NEMF: variants seen among roughly 807,000 people sequenced by gnomAD.
The protein encoded by NEMF is ribosome quality control complex subunit NEMF.
Under a neutral mutation model 162.2 loss-of-function variants are expected in NEMF, and 89 were observed. The ratio of observed to expected loss-of-function variants is 0.55; its 90% confidence interval spans 0.46 to 0.65. The LOEUF (loss-of-function observed/expected upper bound fraction) is 0.65, where lower values mean the gene tolerates loss of function less well. Ranked by LOEUF, NEMF falls within the 30% of genes least tolerant of loss-of-function variation. The pLI is 0.00. For missense variants in NEMF, 1,133 were observed against 1,261.9 expected (o/e 0.90, Z 1.55); for synonymous variants, 421 against 404.5 (o/e 1.04, Z -0.49).
chr14:49,784,559 A>G lies in NEMF; in HGVS notation c.*77T>C, dbSNP rs1890067923. The G allele has an allele frequency of 1.0e-6, 1 of 953,472 alleles. No individual in the cohort carries two copies. Among genetic ancestry groups the G allele is most frequent in the African/African-American group, 1.6e-5 (1 of 61,472 alleles). 59.1% of individuals were successfully genotyped at this position (953,472 alleles called of 1,614,324 possible). A position where few individuals can be genotyped will look rare whatever the true frequency, so the allele number is the denominator to read the frequency against. On this transcript the variant is annotated 3_prime_UTR_variant, in exon 33 of 33. Transcript: ENST00000298310. Reference sequence around the variant, plus strand: ...ATTTTTATAATGCGGAAATCCTGATACATGGTGCTTTCATCTTTGAACTTC... The same window carrying G: ...ATTTTTATAATGCGGAAATCCTGATGCATGGTGCTTTCATCTTTGAACTTC...
chr14:49,845,608 CT>C (rs1424931383), intron 4 of NEMF, among the ~76,000 whole-genome samples: 4 of 152,142 alleles, frequency 2.6e-5, no homozygotes, highest in African/African-American at 4.8e-5. Context: ...ATTCTCTAAG[CT>C]TTTTTTCCAT....
intron 29 of NEMF, 193 bp from the exon 30 acceptor site, chr14:49,785,513 TTACTACTTAA>T (rs1404136049): frequency 1.9e-6 from 1 of 529,474 alleles, no homozygotes; most frequent in African/African-American, 1.9e-5. Context: ...AATATATTCT[TTACTACTTAA>T]TTTTTGCCTA....
chr14:49,828,138 GA>G (rs756565286), intron 15 of NEMF, among the ~76,000 whole-genome samples, 152 bp downstream of exon 15: 19 of 152,070 alleles, frequency 1.2e-4, no homozygotes, highest in Non-Finnish European at 2.2e-4. Context: ...GTCCTGGGGG[GA>G]AAAAATACTG....
At chr14:49,830,225 T>C (rs1451946245) in intron 11 of NEMF, among the ~76,000 whole-genome samples, 2 of 152,162 alleles carry the variant, frequency 1.3e-5, no homozygotes, top group African/African-American at 4.8e-5. Flanking sequence ...TCACTAGTAT[T>C]TTGACACCCA....
intron 18 of NEMF, among the ~76,000 whole-genome samples, chr14:49,807,693 A>T (rs1891287106): frequency 6.7e-6 from 1 of 148,394 alleles, no homozygotes; most frequent in Admixed American, 6.9e-5. Flanking sequence ...ACCACCTGGG[A>T]AGTGATTCTC....
At position 49,782,178 on chromosome 14, in the gene NEMF, T is replaced by C. The variant is rs1249056667; in HGVS notation, c.*2458A>G. 3 of 528,814 alleles carry C rather than the reference T, an allele frequency of 5.7e-6. No individual in the cohort carries two copies. Among genetic ancestry groups the C allele is most frequent in the African/African-American group, 2.0e-5 (1 of 51,172 alleles). The allele number at this position is 528,814 out of a possible 1,614,324, so 32.8% of individuals were successfully genotyped here. A position where few individuals can be genotyped will look rare whatever the true frequency, so the allele number is the denominator to read the frequency against. ...AATGAGAACGACCAGAGAGAGAAAA[T>C]AATATCCAGATAAAATAGATATTGA... On this transcript the variant is annotated 3_prime_UTR_variant, in exon 33 of 33. Coordinates refer to ENST00000298310, the MANE Select transcript of NEMF (RefSeq NM_004713.6).
At chr14:49,800,762 T>C (rs758630405) in intron 22 of NEMF, 66 bp from the exon 23 acceptor site, 1 of 1,444,304 alleles carries the variant, frequency 6.9e-7, no homozygotes, top group South Asian at 1.3e-5. Context: ...TTCCTAAAAA[T>C]GTCATAAAAA....
rs745857189 is a variant in NEMF, at chr14:49,800,450, G to A, written c.2342C>T (p.Thr781Ile). 1.2e-6 allele frequency: 2 copies of A among 1,613,410 alleles called. No individual in the cohort carries two copies. The highest frequency in any genetic ancestry group is 1.1e-5 in the South Asian group (1 of 91,038). ...GEETLNYPDT[T>I]IDLSHLQPQR... is the part of the protein sequence containing the mutation. Reference sequence around the variant, plus strand: ...GGGTTGAAGGTGAGACAAGTCAATGGTAGTATCAGGATAATTTAATGTCTC... The same window carrying A: ...GGGTTGAAGGTGAGACAAGTCAATGATAGTATCAGGATAATTTAATGTCTC... Residue 781 changes from threonine (T) to isoleucine (I), a missense_variant, in exon 23 of 33, where the codon ACC becomes ATC. This residue lies in a region of NEMF where 532 missense variants were observed against 578.6 expected (regional missense o/e 0.92). Transcript: ENST00000298310.
chr14:49,840,232 C>T (rs1436938224), intron 5 of NEMF, among the ~76,000 whole-genome samples: 3 of 152,170 alleles, frequency 2.0e-5, no homozygotes, highest in African/African-American at 7.2e-5. Flanking sequence ...GAGGCCGAGG[C>T]AGGCAGATTG....
chr14:49,791,877 C>T (rs770977009), intron 26 of NEMF, among the ~76,000 whole-genome samples: 18 of 151,964 alleles, frequency 1.2e-4, no homozygotes, highest in Non-Finnish European at 2.2e-4. Flanking sequence ...CTGATGACAA[C>T]AGAGTTTCTT....
At chr14:49,830,248 G>A (rs768240292) in intron 11 of NEMF, among the ~76,000 whole-genome samples, 1 of 152,096 alleles carries the variant, frequency 6.6e-6, no homozygotes, top group Non-Finnish European at 1.5e-5. Flanking sequence ...AAACCATGGG[G>A]TTCAGTTTAC....
chr14:49,814,088 CTAAT>C, intron 17 of NEMF, 38 bp from the exon 18 acceptor site: 1 of 1,184,170 alleles, frequency 8.4e-7, no homozygotes, highest in Non-Finnish European at 1.2e-6. Context: ...ACTTTAAGTC[CTAAT>C]TATTCTTTTT....
At chr14:49,822,861 G>C (rs1247890424) in intron 16 of NEMF, among the ~76,000 whole-genome samples, 1 of 151,880 alleles carries the variant, frequency 6.6e-6, no homozygotes, top group Admixed American at 6.6e-5. Context: ...AGTATGTGTG[G>C]TGTGGTAGGG....
At position 49,784,729 on chromosome 14, in the gene NEMF, T is replaced by G. The variant is rs1192802237; in HGVS notation, c.3154-16A>C. 6.2e-7 allele frequency: 1 copy of G among 1,601,626 alleles called. No individual in the cohort carries two copies. Among genetic ancestry groups the G allele is most frequent in the Non-Finnish European group, 8.5e-7 (1 of 1,169,642 alleles). On this transcript the variant is annotated splice_polypyrimidine_tract_variant and intron_variant, in intron 32 of 32. Coordinates refer to ENST00000298310, the MANE Select transcript of NEMF (RefSeq NM_004713.6). ...AATCTGTGTCCTAAAAAAAGAAAAT[T>G]GCTGAATATCTTCACATCCTGTATG...
chr14:49,848,160 G>A lies in NEMF; in HGVS notation c.232-1895C>T, dbSNP rs961952286. On this transcript the variant is annotated intron_variant, in intron 3 of 32. Transcript: ENST00000298310. The stretch of plus-strand genomic sequence containing the variant: ...AGGATTACAAGTGCCCTGCCACTGT[G>A]CCCAGCTTATTCCTACAAACTTTAC... 9.9e-5 allele frequency among the ~76,000 whole-genome samples: 15 copies of A among 151,994 alleles called. 2 individuals carry two copies. The highest frequency in any genetic ancestry group is 9.8e-4 in the Admixed American group (15 of 15,260).
chr14:49,805,958 T>A, intron 19 of NEMF, 63 bp downstream of exon 19: 1 of 1,060,068 alleles, frequency 9.4e-7, no homozygotes. Context: ...ACTTCTATAC[T>A]CTCAAAATTT....
chr14:49,838,358 G>C lies in NEMF; in HGVS notation c.507-152C>G, dbSNP rs1001674120. 4 of 580,838 alleles carry C rather than the reference G, an allele frequency of 6.9e-6. No homozygotes were observed. The African/African-American group carries it at 7.4e-5, about 11-fold the overall frequency. 36.0% of individuals were successfully genotyped at this position (580,838 alleles called of 1,614,324 possible). ...TTCATTCTTCTGTTGTGAGAAAATG[G>C]ATCATAAAAGATATTTACCCAAGAT... On this transcript the variant is annotated intron_variant, in intron 5 of 32. Coordinates refer to ENST00000298310, the MANE Select transcript of NEMF (RefSeq NM_004713.6).
At chr14:49,841,354 C>T (rs1407208358) in intron 4 of NEMF, among the ~76,000 whole-genome samples, 1 of 151,810 alleles carries the variant, frequency 6.6e-6, no homozygotes, top group African/African-American at 2.4e-5. Context: ...GAAGGAGGAT[C>T]ACCTGAGGTC....
Position 49,852,294 on chromosome 14 carries a change from G to GCT in NEMF, c.59+399_59+400dup, listed in dbSNP as rs140542904. Among the ~76,000 whole-genome samples, 20 of 151,764 alleles carry GCT rather than the reference G, an allele frequency of 1.3e-4. No individual in the cohort carries two copies. In the East Asian group the frequency reaches 3.5e-3, roughly 26 times the overall value. On this transcript the variant is annotated intron_variant, in intron 1 of 32. Coordinates refer to ENST00000298310, the MANE Select transcript of NEMF (RefSeq NM_004713.6). ...TGCTCAATCCAGCTAAAACCGCGAT[G>GCT]CTCTCTCTCTCTCTGGGGTGAGGGG...
Sources: gnomAD v4.1 joint callset for allele counts (sites outside exome capture counted in the v4.1 genomes callset) on GRCh38, gnomAD v4.1.1 for gene constraint, gnomAD v4.1.1 regional missense constraint, MANE v1.5 for transcripts, NCBI Gene and HGNC (gene_info 2026-07-23, HGNC 2026-07-21) for gene names.